The following KAZN variants were observed in gnomAD, a reference collection of about 807,000 sequenced individuals.
KAZN encodes the protein kazrin, periplakin interacting protein, also known as kazrin.
A neutral mutation model predicts 87.4 loss-of-function variants in KAZN; 40 were observed. That is an observed-to-expected ratio of 0.46 (90% CI 0.36 to 0.60). KAZN has a LOEUF of 0.60. KAZN is among the 20% of genes least tolerant of loss of function. The pLI is 0.00. For missense variants in KAZN, 898 were observed against 1,073.9 expected, an observed-to-expected ratio of 0.84 and a Z score of 2.29; for synonymous variants, 466 against 458.3, an observed-to-expected ratio of 1.02 and a Z score of -0.22.
intron 1 of KAZN, among the ~76,000 whole-genome samples, chr1:14,722,678 A>T (rs182631532): frequency 6.6e-6 from 1 of 152,150 alleles, no homozygotes; most frequent in African/African-American, 2.4e-5. Context: ...TCAAACATGC[A>T]GGGAAGTCAG....
At position 14,131,713 on chromosome 1, in the gene KAZN, G is replaced by A. The variant is rs553933853; in HGVS notation, c.92-48722G>A. Among the ~76,000 whole-genome samples the A allele has an allele frequency of 4.6e-5, 7 of 152,196 alleles. No individual in the cohort carries two copies. The South Asian group carries it at 1.5e-3, about 32-fold the overall frequency. ...AATTGAGCTAAAAGAGGAATTTACT[G>A]GGTTACATAACTTTCAAGATTCCAG... On this transcript the variant is annotated intron_variant, in intron 1 of 16. Coordinates refer to the KAZN transcript ENST00000636203.
chr1:14,067,629 T>C (rs530061991), intron 1 of KAZN, among the ~76,000 whole-genome samples: 3 of 150,050 alleles, frequency 2.0e-5, no homozygotes, highest in Non-Finnish European at 3.0e-5. Flanking sequence ...CACCCTTCTG[T>C]CTGTCCCCCC....
chr1:14,174,432 T>TA (rs1646024643), intron 1 of KAZN, among the ~76,000 whole-genome samples: 1 of 152,134 alleles, frequency 6.6e-6, no homozygotes, highest in African/African-American at 2.4e-5. Context: ...TTGGGGTCTT[T>TA]ATGGCTCAGG....
At chr1:14,265,792 T>C (rs1571178685) in intron 2 of KAZN, among the ~76,000 whole-genome samples, 1 of 152,208 alleles carries the variant, frequency 6.6e-6, no homozygotes, top group African/African-American at 2.4e-5. Context: ...TATTTGCAGA[T>C]AGTGGAGGAT....
intron 1 of KAZN, among the ~76,000 whole-genome samples, chr1:14,955,375 T>A (rs61350197): frequency 0.092 from 14,074 of 152,254 alleles, 2,100 homozygotes; most frequent in African/African-American, 0.32. Context: ...TGGTGGCCCC[T>A]GAGCTGGTGA....
chr1:13,939,577 A>C, intron 1 of KAZN, among the ~76,000 whole-genome samples: 1 of 151,602 alleles, frequency 6.6e-6, no homozygotes, highest in East Asian at 1.9e-4. Context: ...AGCCCTCCAA[A>C]CTCTTCCAAT....
intron 2 of KAZN, among the ~76,000 whole-genome samples, chr1:14,330,181 G>A (rs752843788): frequency 9.2e-5 from 14 of 152,158 alleles, no homozygotes; most frequent in Non-Finnish European, 1.5e-4. Context: ...TGCAGAACTG[G>A]ACATTTTGTT....
chr1:14,335,959 G>A (rs555391539), intron 2 of KAZN, among the ~76,000 whole-genome samples: 1 of 152,322 alleles, frequency 6.6e-6, no homozygotes, highest in South Asian at 2.1e-4. Context: ...TGGTCAGAAG[G>A]CTCCTGCAGC....
At chr1:14,185,785 A>G (rs1169748886) in intron 2 of KAZN, among the ~76,000 whole-genome samples, 1 of 152,176 alleles carries the variant, frequency 6.6e-6, no homozygotes, top group African/African-American at 2.4e-5. Flanking sequence ...AAGACATAAA[A>G]TTGTAATACT....
intron 1 of KAZN, among the ~76,000 whole-genome samples, chr1:13,915,085 G>C (rs1268809572): frequency 6.6e-6 from 1 of 152,174 alleles, no homozygotes; most frequent in Non-Finnish European, 1.5e-5. Flanking sequence ...GAAATCACAT[G>C]TGTGTGTAAA....
At chr1:14,661,664 G>GGGAC (rs1639173486) in intron 1 of KAZN, among the ~76,000 whole-genome samples, 1 of 95,680 alleles carries the variant, frequency 1.0e-5, no homozygotes, top group African/African-American at 4.0e-5. Flanking sequence ...TTGGGGGACG[G>GGGAC]GGGGGCGGGA....
intron 1 of KAZN, among the ~76,000 whole-genome samples, chr1:14,743,973 C>A (rs1440182178): frequency 1.3e-5 from 2 of 152,046 alleles, no homozygotes; most frequent in African/African-American, 4.8e-5. Context: ...ACTCTGGTAC[C>A]TGGAAAAGAG....
At chr1:14,767,822 G>A (rs1406209658) in intron 1 of KAZN, among the ~76,000 whole-genome samples, 1 of 152,192 alleles carries the variant, frequency 6.6e-6, no homozygotes, top group African/African-American at 2.4e-5. Flanking sequence ...AACAGTTGAT[G>A]TCTGAGGGTG....
intron 2 of KAZN, among the ~76,000 whole-genome samples, chr1:14,470,400 A>G (rs2148368499): frequency 6.6e-6 from 1 of 152,318 alleles, no homozygotes; most frequent in East Asian, 1.9e-4. Context: ...AAAGAAGGCA[A>G]GAGGAAGGGA....
chr1:14,960,985 A>G, intron 2 of KAZN, 110 bp downstream of exon 2: 1 of 1,156,154 alleles, frequency 8.6e-7, no homozygotes, highest in Non-Finnish European at 1.2e-6. Flanking sequence ...GTCTCCCAGC[A>G]CCCACCTCCA....
At chr1:14,874,473 G>GATGT (rs1156796887) in intron 1 of KAZN, among the ~76,000 whole-genome samples, 1 of 34,442 alleles carries the variant, frequency 2.9e-5, no homozygotes, top group East Asian at 3.0e-4. Context: ...TGGCTGACTG[G>GATGT]ATGGATGGAT....
chr1:14,685,598 C>T (rs1401157668), intron 1 of KAZN, among the ~76,000 whole-genome samples: 2 of 152,234 alleles, frequency 1.3e-5, no homozygotes, highest in Middle Eastern at 3.2e-3. Context: ...TCAAATCGTT[C>T]GCCTGCTCAG....
chr1:13,996,315 T>C (rs1557771117), intron 1 of KAZN, among the ~76,000 whole-genome samples: 17 of 152,132 alleles, frequency 1.1e-4, no homozygotes. Context: ...CTTAAGCCTA[T>C]GGAGCTCCCG....
chr1:14,598,532 C>T (rs2148592319), upstream of KAZN, among the ~76,000 whole-genome samples: 1 of 152,200 alleles, frequency 6.6e-6, no homozygotes, highest in East Asian at 2.0e-4. This position sits in a 1 kb window ranked among gnomAD's most constrained non-coding sequence, Gnocchi z 4.2. Context: ...CTCCCGACTG[C>T]CGTCCGCCGC....
Sources: allele counts gnomAD v4.1 joint callset (sites outside exome capture counted in the v4.1 genomes callset), GRCh38; gene constraint gnomAD v4.1.1; non-coding constraint Gnocchi (gnomAD v3.1); transcripts MANE v1.5; gene names NCBI Gene and HGNC (gene_info 2026-07-23, HGNC 2026-07-21).